TBC1D14: variants seen among roughly 807,000 people sequenced by gnomAD.
TBC1D14 encodes TBC1 domain family, member 14.
A neutral mutation model predicts 79.0 loss-of-function variants in TBC1D14; 26 were observed. The ratio of observed to expected loss-of-function variants is 0.33; its 90% CI spans 0.24 to 0.46. The LOEUF (loss-of-function observed/expected upper bound fraction) is 0.46, where lower values mean the gene tolerates loss of function less well. TBC1D14 is among the 20% of genes least tolerant of loss of function. TBC1D14 has a pLI of 1.00. For missense variants in TBC1D14, 769 were observed against 887.6 expected (o/e 0.87, Z 1.70); for synonymous variants, 394 against 349.9 (o/e 1.13, Z -1.40).
chr4:6,918,380 C>A (rs1160960182), intron 1 of TBC1D14, among the ~76,000 whole-genome samples: 1 of 152,220 alleles, frequency 6.6e-6, no homozygotes, highest in Non-Finnish European at 1.5e-5. Flanking sequence ...CATTTGCGTT[C>A]TAACCCGCAT....
rs1300583822 is a variant in TBC1D14 at position 6,923,570 on chromosome 4, C to T, written c.181C>T (p.Leu61Phe). The T allele has an allele frequency of 1.9e-6, 3 of 1,614,042 alleles. No homozygotes were observed. The highest frequency in any genetic ancestry group is 3.3e-5 in the Admixed American group (2 of 60,016). Residue 61 changes from leucine to phenylalanine, a missense_variant, in exon 2 of 14, where the codon CTC becomes TTC. This residue lies in a region of TBC1D14 where 402 missense variants were observed against 393.2 expected (regional missense o/e 1.02). Transcript: ENST00000409757. ...CAGGGCTTTAGAAGACCGGCACAGC[C>T]TCCAGTCCGTGGACTCGGGGATTCC... ...KLRALEDRHS[L>F]QSVDSGIPTL...
intron 2 of TBC1D14, among the ~76,000 whole-genome samples, chr4:6,961,559 G>A (rs1003264065): frequency 1.3e-5 from 2 of 152,174 alleles, no homozygotes; most frequent in African/African-American, 2.4e-5. Context: ...CCTCTCGGGG[G>A]CACTTAATGG....
At chr4:6,936,441 C>T (rs897312715) in intron 2 of TBC1D14, among the ~76,000 whole-genome samples, 7 of 152,150 alleles carry the variant, frequency 4.6e-5, no homozygotes, top group African/African-American at 1.4e-4. Flanking sequence ...AATGTAAATC[C>T]GAGTCTCTTC....
At chr4:6,913,556 C>T (rs1357429512) in intron 1 of TBC1D14, among the ~76,000 whole-genome samples, 1 of 152,222 alleles carries the variant, frequency 6.6e-6, no homozygotes, top group Admixed American at 6.5e-5. Context: ...GACTTAGCCT[C>T]TCTGAATCTC....
chr4:6,991,362 G>A (rs751153241), intron 3 of TBC1D14, among the ~76,000 whole-genome samples: 11 of 152,182 alleles, frequency 7.2e-5, no homozygotes, highest in Admixed American at 1.3e-4. Flanking sequence ...ACCCCAGCGC[G>A]TGGCCTGTGA....
In TBC1D14 at chr4:6,969,958, G is replaced by A. The variant is rs551477730; in HGVS notation, c.843+2534G>A. Among the ~76,000 whole-genome samples, 27 of 152,296 alleles carry A rather than the reference G, an allele frequency of 1.8e-4. 1 individual carries two copies. The South Asian group carries it at 5.6e-3, about 32-fold the overall frequency. On this transcript the variant is annotated intron_variant, in intron 3 of 13. Coordinates refer to ENST00000409757, the MANE Select transcript of TBC1D14 (RefSeq NM_020773.3). ...CATCTCCCAACCCAAGGGACTTGGT[G>A]AAGCCTGGGAGGGGCTCAGGGTCAG...
intron 2 of TBC1D14, among the ~76,000 whole-genome samples, chr4:6,937,164 G>T (rs972748752): frequency 6.6e-6 from 1 of 152,206 alleles, no homozygotes; most frequent in East Asian, 1.9e-4. Context: ...TGATCTGCCC[G>T]CCACAACCTC....
chr4:6,959,552 G>A (rs1248280026), intron 2 of TBC1D14, among the ~76,000 whole-genome samples: 1 of 152,178 alleles, frequency 6.6e-6, no homozygotes, highest in Non-Finnish European at 1.5e-5. Flanking sequence ...GCACAGTGTG[G>A]GCAGGGGTTC....
intron 9 of TBC1D14, chr4:7,007,703 GCTTCT>G (rs1250961345): frequency 1.1e-6 from 1 of 932,310 alleles, no homozygotes; most frequent in Non-Finnish European, 1.5e-6. Flanking sequence ...CTGGAACCCT[GCTTCT>G]CCCACAGGGC....
At chr4:7,001,457 G>C in intron 7 of TBC1D14, 1 of 539,388 alleles carries the variant, frequency 1.9e-6, no homozygotes, top group South Asian at 2.2e-5. Flanking sequence ...GCTCAGCGCA[G>C]GAGCTCTTGA....
chr4:6,926,194 G>A (rs1724285236), intron 2 of TBC1D14, among the ~76,000 whole-genome samples: 1 of 152,232 alleles, frequency 6.6e-6, no homozygotes, highest in African/African-American at 2.4e-5. Flanking sequence ...CCTGAGAAGT[G>A]GGGATAATGA....
chr4:6,977,077 C>CCACGGTCTCCCTCTCCCCACGG (rs1180674751), intron 3 of TBC1D14, among the ~76,000 whole-genome samples: 1 of 11,396 alleles, frequency 8.8e-5, no homozygotes. Flanking sequence ...CTCCCTCTCC[C>CCACGGTCTCCCTCTCCCCACGG]TCTCCCTCTC....
At chr4:7,022,381 C>T (rs1379671635) in intron 12 of TBC1D14, among the ~76,000 whole-genome samples, 1 of 152,184 alleles carries the variant, frequency 6.6e-6, no homozygotes, top group Non-Finnish European at 1.5e-5. Flanking sequence ...CCAGGAGTGT[C>T]AGGAGCGTCC....
intron 6 of TBC1D14, 61 bp downstream of exon 6, chr4:6,999,263 C>A: frequency 6.8e-7 from 1 of 1,462,708 alleles, no homozygotes; most frequent in Non-Finnish European, 9.6e-7. Context: ...ATCTGTGGGC[C>A]ACAGCTGTAG....
intron 2 of TBC1D14, among the ~76,000 whole-genome samples, chr4:6,955,955 A>G (rs1714594716): frequency 6.6e-6 from 1 of 152,168 alleles, no homozygotes; most frequent in Non-Finnish European, 1.5e-5. Context: ...GTTAAGTGCA[A>G]TAATAATTCT....
chr4:7,016,922 C>G (rs879483060), intron 12 of TBC1D14, among the ~76,000 whole-genome samples: 1 of 152,086 alleles, frequency 6.6e-6, no homozygotes, highest in African/African-American at 2.4e-5. Context: ...TTTTTTGACT[C>G]GAGTGCTTCT....
intron 3 of TBC1D14, among the ~76,000 whole-genome samples, chr4:6,988,885 C>CTTTTTTTTTTTTTTTTTTTTTTTT (rs34268749): frequency 3.4e-4 from 26 of 76,802 alleles, no homozygotes; most frequent in Non-Finnish European, 4.2e-4. Context: ...TTCTTTCTTT[C>CTTTTTTTTTTTTTTTTTTTTTTTT]TTTTTTTTTT....
intron 2 of TBC1D14, among the ~76,000 whole-genome samples, chr4:6,944,772 G>T (rs1319097786): frequency 6.6e-6 from 1 of 152,186 alleles, no homozygotes; most frequent in Admixed American, 6.5e-5. Context: ...TGGTTCCACG[G>T]GACTGGCTGG....
chr4:7,004,379 C>T (rs1318195965), intron 7 of TBC1D14, among the ~76,000 whole-genome samples: 3 of 152,240 alleles, frequency 2.0e-5, no homozygotes, highest in Admixed American at 2.0e-4. Context: ...GGCAATTGCA[C>T]CATGTCCTTT....
Sources: allele counts gnomAD v4.1 joint callset (sites outside exome capture counted in the v4.1 genomes callset), GRCh38; gene constraint gnomAD v4.1.1; regional missense constraint gnomAD v4.1.1; transcripts MANE v1.5; gene names NCBI Gene and HGNC (gene_info 2026-07-23, HGNC 2026-07-21).